The following ATXN7L1 variants were observed in gnomAD, a reference collection of about 807,000 sequenced individuals.
ATXN7L1 encodes ataxin 7 like 1.
ATXN7L1 carries 15 observed loss-of-function variants against 70.8 expected under a neutral mutation model. The ratio of observed to expected loss-of-function variants is 0.21; its 90% confidence interval spans 0.14 to 0.33. ATXN7L1 has a LOEUF of 0.33. Ranked by LOEUF, ATXN7L1 falls within the 10% of genes least tolerant of loss-of-function variation. The probability of loss-of-function intolerance (pLI) is 1.00; values close to 1 mark genes in which losing one functional copy is unlikely to be tolerated. For synonymous variants in ATXN7L1, 440 were observed against 445.1 expected (o/e 0.99, Z 0.14); for missense variants, 975 against 1,097.1 (o/e 0.89, Z 1.57).
At chr7:105,800,229 G>A (rs1179168155) in intron 2 of ATXN7L1, among the ~76,000 whole-genome samples, 1 of 152,178 alleles carries the variant, frequency 6.6e-6, no homozygotes, top group Admixed American at 6.5e-5. Flanking sequence ...GACACTGTTG[G>A]CAAGATTCAT....
intron 3 of ATXN7L1, among the ~76,000 whole-genome samples, chr7:105,706,100 C>G (rs768571058): frequency 3.9e-5 from 6 of 152,306 alleles, no homozygotes; most frequent in Non-Finnish European, 7.4e-5. Flanking sequence ...CTGCAGTGGT[C>G]TGAGAGCTAG....
At chr7:105,834,507 G>T (rs1001726321) in intron 2 of ATXN7L1, among the ~76,000 whole-genome samples, 44 of 152,178 alleles carry the variant, frequency 2.9e-4, no homozygotes, top group African/African-American at 9.4e-4. Context: ...ATATAAATCT[G>T]TGTGCCTAAT....
intron 2 of ATXN7L1, among the ~76,000 whole-genome samples, chr7:105,870,555 C>A (rs927264852): frequency 6.6e-6 from 1 of 152,040 alleles, no homozygotes; most frequent in Non-Finnish European, 1.5e-5. Context: ...ATCACAACAA[C>A]CTTATTCTTT....
chr7:105,697,107 C>T (rs1307580387), intron 3 of ATXN7L1, among the ~76,000 whole-genome samples: 1 of 152,176 alleles, frequency 6.6e-6, no homozygotes, highest in East Asian at 1.9e-4. Flanking sequence ...GACCACAGGA[C>T]CGAGGCAAAA....
At chr7:105,768,460 T>A (rs1311191668) in intron 3 of ATXN7L1, among the ~76,000 whole-genome samples, 1 of 152,202 alleles carries the variant, frequency 6.6e-6, no homozygotes, top group Non-Finnish European at 1.5e-5. Flanking sequence ...AGGATCAAGT[T>A]GTATCTGTGC....
intron 3 of ATXN7L1, among the ~76,000 whole-genome samples, chr7:105,728,426 T>A (rs1796156093): frequency 6.6e-6 from 1 of 152,162 alleles, no homozygotes; most frequent in South Asian, 2.1e-4. Context: ...AATTTATAGA[T>A]AAGCAAAGGG....
intron 3 of ATXN7L1, among the ~76,000 whole-genome samples, chr7:105,701,990 G>A (rs1404028279): frequency 1.3e-5 from 2 of 152,170 alleles, no homozygotes; most frequent in Admixed American, 6.5e-5. Context: ...TTACTTCCTT[G>A]GCAGCAGCAG....
chr7:105,756,985 A>G (rs1312629800), intron 3 of ATXN7L1, among the ~76,000 whole-genome samples: 2 of 152,206 alleles, frequency 1.3e-5, no homozygotes, highest in Non-Finnish European at 2.9e-5. Context: ...AGAGGGGGAA[A>G]AAAGCTCCCA....
chr7:105,767,466 T>C (rs1801429693), intron 3 of ATXN7L1, among the ~76,000 whole-genome samples: 1 of 152,240 alleles, frequency 6.6e-6, no homozygotes, highest in Admixed American at 6.5e-5. Flanking sequence ...CTCAGTCCTC[T>C]GGAGGTGAGC....
intron 2 of ATXN7L1, among the ~76,000 whole-genome samples, chr7:105,827,471 A>G (rs1811033313): frequency 6.6e-6 from 1 of 152,138 alleles, no homozygotes; most frequent in Non-Finnish European, 1.5e-5. Flanking sequence ...AATATAGTTG[A>G]CCCTTGAACA....
intron 3 of ATXN7L1, among the ~76,000 whole-genome samples, chr7:105,746,350 T>C (rs138465235): frequency 6.6e-6 from 1 of 152,294 alleles, no homozygotes; most frequent in East Asian, 1.9e-4. Context: ...CTTAGAAGGA[T>C]TTACCTGACT....
intron 3 of ATXN7L1, among the ~76,000 whole-genome samples, chr7:105,666,715 G>A (rs1802669766): frequency 6.6e-6 from 1 of 152,224 alleles, no homozygotes; most frequent in African/African-American, 2.4e-5. Context: ...CAAAGAATAA[G>A]TTTACAGGGT....
At chr7:105,855,923 A>G (rs935100709) in intron 2 of ATXN7L1, among the ~76,000 whole-genome samples, 7 of 152,226 alleles carry the variant, frequency 4.6e-5, no homozygotes, top group African/African-American at 1.7e-4. Flanking sequence ...ATTTCATATA[A>G]GGGATAAGAA....
At chr7:105,789,794 G>A (rs1804865139) in intron 2 of ATXN7L1, among the ~76,000 whole-genome samples, 2 of 151,946 alleles carry the variant, frequency 1.3e-5, no homozygotes, top group South Asian at 4.2e-4. Flanking sequence ...GAAGTGACGG[G>A]ATCAGGTGCA....
intron 2 of ATXN7L1, among the ~76,000 whole-genome samples, chr7:105,798,865 A>T (rs1806383598): frequency 6.6e-6 from 1 of 152,246 alleles, no homozygotes; most frequent in Non-Finnish European, 1.5e-5. Flanking sequence ...CCAGGCAAAG[A>T]AATGGGGTGG....
chr7:105,706,242 G>A (rs1381106455), intron 3 of ATXN7L1, among the ~76,000 whole-genome samples: 1 of 151,028 alleles, frequency 6.6e-6, no homozygotes, highest in Non-Finnish European at 1.5e-5. Context: ...CGCCCAGGCT[G>A]GAGTGCAGTG....
intron 3 of ATXN7L1, among the ~76,000 whole-genome samples, chr7:105,781,770 C>G (rs1211493673): frequency 6.6e-6 from 1 of 152,092 alleles, no homozygotes; most frequent in African/African-American, 2.4e-5. Flanking sequence ...AATACGGAAA[C>G]AGAAACACAG....
At chr7:105,634,919 GAA>G (rs113359621) in intron 7 of ATXN7L1, among the ~76,000 whole-genome samples, 12 of 140,486 alleles carry the variant, frequency 8.5e-5, no homozygotes, top group Admixed American at 2.9e-4. Flanking sequence ...GTCTCTACAG[GAA>G]AAAAAAAAAA....
intron 4 of ATXN7L1, among the ~76,000 whole-genome samples, 180 bp downstream of exon 4, chr7:105,664,886 C>T (rs916949997): frequency 2.2e-4 from 33 of 152,112 alleles, no homozygotes; most frequent in Non-Finnish European, 4.6e-4. Context: ...GTCCCACATG[C>T]CCTCTAATAT....
Sources: gnomAD v4.1 joint callset for allele counts (sites outside exome capture counted in the v4.1 genomes callset) on GRCh38, gnomAD v4.1.1 for gene constraint, MANE v1.5 for transcripts, NCBI Gene and HGNC (gene_info 2026-07-23, HGNC 2026-07-21) for gene names.